The following RIN2 variants were observed in gnomAD, a reference collection of about 807,000 sequenced individuals.
RIN2 encodes the protein Ras and Rab interactor 2.
Under a neutral mutation model 78.0 loss-of-function variants are expected in RIN2, and 36 were observed. That is an observed-to-expected ratio of 0.46 (90% CI 0.35 to 0.61). The LOEUF (loss-of-function observed/expected upper bound fraction) is 0.61. Ranked by LOEUF, RIN2 falls within the 20% of genes least tolerant of loss-of-function variation. The probability of loss-of-function intolerance (pLI) is 0.00; values close to 1 mark genes in which losing one functional copy is unlikely to be tolerated. For missense variants in RIN2, 1,087 were observed against 1,159.7 expected (o/e 0.94, Z 0.91); for synonymous variants, 466 against 466.8 (o/e 1.00, Z 0.02).
intron 2 of RIN2, among the ~76,000 whole-genome samples, chr20:19,876,471 C>A (rs1225831039): frequency 6.6e-6 from 1 of 152,026 alleles, no homozygotes; most frequent in Non-Finnish European, 1.5e-5. Context: ...GAAAATAGGG[C>A]CTATGGAGAA....
chr20:19,822,264 A>G (rs1470173748), intron 2 of RIN2, among the ~76,000 whole-genome samples: 2 of 152,150 alleles, frequency 1.3e-5, no homozygotes, highest in East Asian at 3.9e-4. Flanking sequence ...AAATGCCTAC[A>G]TCTGAACAAT....
chr20:19,956,760 C>G lies in RIN2; in HGVS notation c.304C>G (p.Leu102Val). The G allele has an allele frequency of 6.2e-7, 1 of 1,605,168 alleles. No homozygotes were observed. Among genetic ancestry groups the G allele is most frequent in the Non-Finnish European group, 8.5e-7 (1 of 1,175,864 alleles). Residue 102 changes from leucine to valine, a missense_variant, in exon 5 of 13, where the codon CTG (leucine) becomes GTG (valine). This residue lies in a region of RIN2 where 706 missense variants were observed against 667.5 expected (regional missense o/e 1.06). Transcript: ENST00000255006. ...HTHPIWLQLSLSEEEAAEVLQ... is the reference protein window; with the variant it reads ...HTHPIWLQLSVSEEEAAEVLQ... ...CCACCCCATATGGCTGCAGCTGAGT[C>G]TGAGTGAGGAGGAGGCAGCAGAGGT...
intron 2 of RIN2, chr20:19,823,607 C>G: frequency 1.3e-6 from 2 of 1,539,336 alleles, no homozygotes; most frequent in Non-Finnish European, 1.8e-6. Context: ...ATCTGTCGAG[C>G]AATGTTGACG....
At chr20:19,844,140 G>GT (rs1196431201) in intron 2 of RIN2, among the ~76,000 whole-genome samples, 2 of 152,198 alleles carry the variant, frequency 1.3e-5, no homozygotes, top group Admixed American at 6.5e-5. Flanking sequence ...TTGGTGGAGT[G>GT]TTTTTCCAGT....
At chr20:19,936,271 C>A (rs749434698) in intron 4 of RIN2, among the ~76,000 whole-genome samples, 1 of 152,216 alleles carries the variant, frequency 6.6e-6, no homozygotes, top group Non-Finnish European at 1.5e-5. Flanking sequence ...GCAGCACACC[C>A]AGCATTCTAT....
intron 2 of RIN2, among the ~76,000 whole-genome samples, chr20:19,883,144 T>G (rs1309458416): frequency 6.6e-6 from 1 of 151,972 alleles, no homozygotes; most frequent in Admixed American, 6.5e-5. Flanking sequence ...ATATTCCAAG[T>G]GAGTTGAGTC....
intron 2 of RIN2, among the ~76,000 whole-genome samples, chr20:19,864,800 G>A (rs768128304): frequency 7.2e-5 from 11 of 152,246 alleles, no homozygotes; most frequent in East Asian, 1.9e-4. Context: ...TCAAAGGGCC[G>A]TCAAACCATC....
At chr20:19,954,006 A>C (rs745865901) in intron 4 of RIN2, among the ~76,000 whole-genome samples, 17 of 152,354 alleles carry the variant, frequency 1.1e-4, no homozygotes, top group Non-Finnish European at 1.9e-4. Context: ...ATAAATCTTG[A>C]ATGAATGAGT....
In RIN2 at chr20:20,000,983, GCCTT is replaced by G; in HGVS notation, c.*48_*51del. 6.6e-7 allele frequency: 1 copy of G among 1,522,420 alleles called. No individual in the cohort carries two copies. The highest frequency in any genetic ancestry group is 8.9e-7 in the Non-Finnish European group (1 of 1,124,258). The allele number at this position is 1,522,420 out of a possible 1,614,324, so 94.3% of individuals were successfully genotyped here. A position where few individuals can be genotyped will look rare whatever the true frequency, so the allele number is the denominator to read the frequency against. On this transcript the variant is annotated 3_prime_UTR_variant, in exon 13 of 13. Coordinates refer to ENST00000255006, the MANE Select transcript of RIN2 (RefSeq NM_018993.4). ...TGGTGCATCCAAAGGGGAGCTGGAA[GCCTT>G]GCCTTCCCGCTTCTACATGCTTGAG...
At chr20:19,927,703 C>T (rs987020801) in intron 3 of RIN2, among the ~76,000 whole-genome samples, 2 of 151,960 alleles carry the variant, frequency 1.3e-5, no homozygotes. Context: ...GCGTGAGCCA[C>T]CACGCCCAGC....
intron 2 of RIN2, among the ~76,000 whole-genome samples, chr20:19,855,317 A>T (rs539686780): frequency 1.2e-4 from 18 of 152,284 alleles, no homozygotes; most frequent in African/African-American, 4.1e-4. Context: ...ATCAATGTTC[A>T]TCAGGGATAT....
chr20:19,840,188 A>G (rs1702099016), intron 2 of RIN2, among the ~76,000 whole-genome samples: 1 of 152,234 alleles, frequency 6.6e-6, no homozygotes, highest in Non-Finnish European at 1.5e-5. Context: ...TCACAAACAG[A>G]GAAACAGAAA....
chr20:19,920,307 A>C (rs1467204240), intron 3 of RIN2, among the ~76,000 whole-genome samples: 1 of 152,028 alleles, frequency 6.6e-6, no homozygotes, highest in Non-Finnish European at 1.5e-5. Flanking sequence ...AAAAAAAAAA[A>C]AAAAAGGAAA....
rs113171894 is a variant in RIN2 at position 19,996,400 on chromosome 20, A to T, written c.2201-279A>T. ...CACGCACTAGAATGGAAATCCCATC[A>T]TTGAAAAACAGGAACCTTGTCAGCC... On this transcript the variant is annotated intron_variant, in intron 11 of 12. Transcript: ENST00000255006. 4.6e-3 allele frequency among the ~76,000 whole-genome samples: 700 copies of T among 152,246 alleles called. 9 individuals are homozygous for T. Among genetic ancestry groups the T allele is most frequent in the African/African-American group, 0.016 (658 of 41,546 alleles).
chr20:19,897,398 C>T (rs1198160714), intron 3 of RIN2, among the ~76,000 whole-genome samples: 3 of 152,048 alleles, frequency 2.0e-5, no homozygotes, highest in Non-Finnish European at 4.4e-5. Flanking sequence ...TGAGTGTCAC[C>T]GCACCCAGCC....
intron 4 of RIN2, among the ~76,000 whole-genome samples, chr20:19,952,264 A>G (rs1437246554): frequency 6.6e-6 from 1 of 152,162 alleles, no homozygotes; most frequent in African/African-American, 2.4e-5. Flanking sequence ...CTTCCTGGGC[A>G]TTTCCAGGAG....
intron 2 of RIN2, among the ~76,000 whole-genome samples, chr20:19,869,393 T>C (rs2037611454): frequency 6.6e-6 from 1 of 151,904 alleles, no homozygotes; most frequent in African/African-American, 2.4e-5. Flanking sequence ...CATGGTGAGG[T>C]GGGGAGACGA....
At chr20:19,765,195 C>T (rs1452754696) in intron 1 of RIN2, among the ~76,000 whole-genome samples, 1 of 152,078 alleles carries the variant, frequency 6.6e-6, no homozygotes, top group Non-Finnish European at 1.5e-5. Flanking sequence ...ATCTTCTTGG[C>T]AAATTCACTT....
rs867237246 is a variant in RIN2, at chr20:19,974,799, A to G, written c.774A>G (p.Ser258=). ...GVHSIKTRTP[S]ELECSQTNGA... is the part of the protein sequence containing the mutation. The stretch of plus-strand genomic sequence containing the variant: ...ATTCTATCAAAACCAGGACGCCTTC[A>G]GAGCTGGAGTGCAGCCAGACCAACG... The change falls in exon 9 of 13, where the codon TCA becomes TCG. Residue 258 remains serine, a synonymous_variant. Transcript: ENST00000255006. 1.2e-6 allele frequency: 2 copies of G among 1,614,022 alleles called. No homozygotes were observed. The highest frequency in any genetic ancestry group is 3.3e-4 in the Middle Eastern group (2 of 6,062).
Sources: gnomAD v4.1 joint callset for allele counts (sites outside exome capture counted in the v4.1 genomes callset) on GRCh38, gnomAD v4.1.1 for gene constraint, gnomAD v4.1.1 regional missense constraint, MANE v1.5 for transcripts, NCBI Gene and HGNC (gene_info 2026-07-23, HGNC 2026-07-21) for gene names.